The following SORCS2 variants were observed in gnomAD, a reference collection of about 807,000 sequenced individuals.
SORCS2 encodes the protein sortilin related VPS10 domain containing receptor 2.
SORCS2 carries 100 observed loss-of-function variants against 141.6 expected under a neutral mutation model. That is an observed-to-expected ratio of 0.71 (90% CI 0.60 to 0.83). The LOEUF is 0.83. Among genes scored for constraint, SORCS2 ranks in the 40% least tolerant of loss-of-function variants. The pLI is 0.00. For synonymous variants in SORCS2, 789 were observed against 676.9 expected, an observed-to-expected ratio of 1.17 and a Z score of -2.57; for missense variants, 1,646 against 1,560.2, an observed-to-expected ratio of 1.05 and a Z score of -0.93.
intron 2 of SORCS2, among the ~76,000 whole-genome samples, chr4:7,410,201 A>G (rs1396858284): frequency 6.6e-6 from 1 of 152,230 alleles, no homozygotes; most frequent in East Asian, 1.9e-4. Flanking sequence ...TGGAGCAAAC[A>G]AAGAGCTGTC....
chr4:7,502,623 C>A (rs61514082), intron 2 of SORCS2, among the ~76,000 whole-genome samples: 37,922 of 152,164 alleles, frequency 0.25, 5,217 homozygotes, highest in South Asian at 0.39. Flanking sequence ...ATAACTCCCA[C>A]TTCCCGTCTG....
chr4:7,701,621 T>C (rs1158869800), intron 12 of SORCS2, among the ~76,000 whole-genome samples: 1 of 152,046 alleles, frequency 6.6e-6, no homozygotes, highest in Admixed American at 6.6e-5. Flanking sequence ...TTGAGGAGCA[T>C]GGGGGTCAGG....
chr4:7,233,900 C>G lies in SORCS2; in HGVS notation c.480+40774C>G, dbSNP rs1363258833. ...GTCCTGTCCGCTATCCCATCCCCTTCTCTGGTCTCAGTTTCCGCATCTGTA... is the reference window on the plus strand; with the variant it reads ...GTCCTGTCCGCTATCCCATCCCCTTGTCTGGTCTCAGTTTCCGCATCTGTA... On this transcript the variant is annotated intron_variant, in intron 1 of 26. Coordinates refer to ENST00000507866, the MANE Select transcript of SORCS2 (RefSeq NM_020777.3). The surrounding 1 kb of genome is among the most constrained non-coding windows in gnomAD (Gnocchi z 4.5). Among the ~76,000 whole-genome samples, 2 of 152,226 alleles carry G rather than the reference C, an allele frequency of 1.3e-5. No individual in the cohort carries two copies. The highest frequency in any genetic ancestry group is 6.5e-5 in the Admixed American group (1 of 15,290).
chr4:7,678,428 A>G (rs1031215458), intron 9 of SORCS2, among the ~76,000 whole-genome samples: 41 of 146,952 alleles, frequency 2.8e-4, no homozygotes, highest in African/African-American at 9.6e-4. Flanking sequence ...TACAAGCACA[A>G]CTCTGGAGCC....
intron 3 of SORCS2, among the ~76,000 whole-genome samples, chr4:7,605,648 G>T (rs1718009416): frequency 6.6e-6 from 1 of 152,190 alleles, no homozygotes; most frequent in African/African-American, 2.4e-5. Flanking sequence ...ATGGTATTTA[G>T]GCTGCCATAT....
intron 1 of SORCS2, among the ~76,000 whole-genome samples, chr4:7,379,984 G>T (rs769132051): frequency 2.0e-5 from 3 of 152,200 alleles, no homozygotes; most frequent in Admixed American, 6.5e-5. Context: ...TGCCGGTTCC[G>T]TTCTGCTTTC....
chr4:7,397,832 C>T (rs758836308), intron 2 of SORCS2, among the ~76,000 whole-genome samples: 5 of 152,166 alleles, frequency 3.3e-5, no homozygotes, highest in Non-Finnish European at 4.4e-5. Flanking sequence ...GTGGGTTCCT[C>T]GGTGACAAAG....
chr4:7,462,624 G>A (rs1023515899), intron 2 of SORCS2, among the ~76,000 whole-genome samples: 3 of 152,006 alleles, frequency 2.0e-5, no homozygotes, highest in African/African-American at 4.8e-5. Flanking sequence ...GCCCTCTGCT[G>A]TCAGAGTGAC....
chr4:7,714,842 C>A (rs1346141641), intron 16 of SORCS2, among the ~76,000 whole-genome samples: 1 of 152,220 alleles, frequency 6.6e-6, no homozygotes, highest in Non-Finnish European at 1.5e-5. Context: ...GGCATTGCAG[C>A]CTCCTCCACC....
chr4:7,207,367 G>C (rs1023965464), intron 1 of SORCS2, among the ~76,000 whole-genome samples: 3 of 152,250 alleles, frequency 2.0e-5, no homozygotes, highest in Non-Finnish European at 4.4e-5. Context: ...GCCGGGAGCC[G>C]ACGTGAGTCA....
intron 3 of SORCS2, among the ~76,000 whole-genome samples, chr4:7,638,087 C>T (rs1412164978): frequency 6.6e-6 from 1 of 151,696 alleles, no homozygotes; most frequent in Non-Finnish European, 1.5e-5. Flanking sequence ...GGCCCAGACA[C>T]TCCATGAATG....
At chr4:7,364,678 T>A (rs532464354) in intron 1 of SORCS2, among the ~76,000 whole-genome samples, 2 of 152,290 alleles carry the variant, frequency 1.3e-5, no homozygotes, top group South Asian at 4.1e-4. Context: ...CAAGCTAACA[T>A]TGGCTTGAGC....
intron 1 of SORCS2, among the ~76,000 whole-genome samples, chr4:7,266,427 G>A (rs1714734822): frequency 6.6e-6 from 1 of 152,150 alleles, no homozygotes; most frequent in Admixed American, 6.5e-5. Flanking sequence ...CTTTCTTTCA[G>A]GAGACCCGTT....
At chr4:7,396,129 G>A (rs147185436) in intron 1 of SORCS2, 159 bp from the exon 2 acceptor site, 23,897 of 609,170 alleles carry the variant, frequency 0.039, 690 homozygotes, top group Admixed American at 0.049. Context: ...TCTCATGTAG[G>A]GTGGCCCAGA....
chr4:7,697,393 T>C, intron 12 of SORCS2, 119 bp downstream of exon 12: 4 of 874,026 alleles, frequency 4.6e-6, no homozygotes, highest in South Asian at 1.7e-5. Flanking sequence ...CTCTGAGCCA[T>C]GTCTCCCATC....
intron 2 of SORCS2, among the ~76,000 whole-genome samples, chr4:7,425,225 C>T (rs775878236): frequency 6.6e-5 from 10 of 152,336 alleles, no homozygotes; most frequent in Non-Finnish European, 1.3e-4. Flanking sequence ...AATCCCTGGC[C>T]CTTGATCGCT....
chr4:7,457,739 G>A lies in SORCS2; in HGVS notation c.548+61384G>A, dbSNP rs557234566. ...TGGCCAGAGGGCCTGGTTCACACCA[G>A]GAACAGCATCAGGGGTGTTTTCCTT... On this transcript the variant is annotated intron_variant, in intron 2 of 26. Coordinates refer to ENST00000507866, the MANE Select transcript of SORCS2 (RefSeq NM_020777.3). Among the ~76,000 whole-genome samples the A allele has an allele frequency of 2.6e-5, 4 of 152,384 alleles. No homozygotes were observed. In the East Asian group the frequency reaches 7.7e-4, roughly 29 times the overall value.
intron 4 of SORCS2, among the ~76,000 whole-genome samples, chr4:7,647,513 A>G (rs921075609): frequency 6.6e-6 from 1 of 152,174 alleles, no homozygotes; most frequent in Non-Finnish European, 1.5e-5. Context: ...CAGTTCCATG[A>G]TGCAGGGCCC....
intron 1 of SORCS2, among the ~76,000 whole-genome samples, chr4:7,351,027 C>T (rs1577432398): frequency 6.6e-6 from 1 of 152,164 alleles, no homozygotes; most frequent in Admixed American, 6.5e-5. Context: ...AACCAGGCTG[C>T]CCATATTGTC....
Sources: allele counts gnomAD v4.1 joint callset (sites outside exome capture counted in the v4.1 genomes callset), GRCh38; gene constraint gnomAD v4.1.1; non-coding constraint Gnocchi (gnomAD v3.1); transcripts MANE v1.5; gene names NCBI Gene and HGNC (gene_info 2026-07-23, HGNC 2026-07-21).